Variants in ZBTB7C observed in about 807,000 individuals in gnomAD.
ZBTB7C encodes the protein zinc finger and BTB domain-containing protein 7C.
A neutral mutation model predicts 25.7 loss-of-function variants in ZBTB7C; 8 were observed. That is an observed-to-expected ratio of 0.31 (90% CI 0.18 to 0.56). ZBTB7C has a LOEUF of 0.56. Ranked by LOEUF, ZBTB7C falls within the 20% of genes least tolerant of loss-of-function variation. ZBTB7C has a pLI of 0.91. For missense variants in ZBTB7C, 824 were observed against 855.2 expected (o/e 0.96, Z 0.46); for synonymous variants, 394 against 369.0 (o/e 1.07, Z -0.78).
intron 3 of ZBTB7C, among the ~76,000 whole-genome samples, chr18:48,158,390 C>A (rs1568265160): frequency 6.6e-6 from 1 of 152,164 alleles, no homozygotes; most frequent in Non-Finnish European, 1.5e-5. Context: ...CACACAGGAG[C>A]TGGGTCTAGG....
At chr18:48,103,080 A>ATATATATCT (rs1255049515) in intron 3 of ZBTB7C, among the ~76,000 whole-genome samples, 1 of 133,792 alleles carries the variant, frequency 7.5e-6, no homozygotes, top group Non-Finnish European at 1.6e-5. Flanking sequence ...ATTTTATATT[A>ATATATATCT]TATATATCTT....
At chr18:48,334,597 T>G (rs944219929) in intron 2 of ZBTB7C, among the ~76,000 whole-genome samples, 2 of 152,150 alleles carry the variant, frequency 1.3e-5, no homozygotes, top group African/African-American at 4.8e-5. Flanking sequence ...TTTAACTCAT[T>G]CTTCAGATGG....
intron 3 of ZBTB7C, among the ~76,000 whole-genome samples, chr18:48,071,023 G>A (rs762294876): frequency 6.6e-6 from 1 of 152,234 alleles, no homozygotes; most frequent in Non-Finnish European, 1.5e-5. Flanking sequence ...TAAGGGGAGA[G>A]AGCATGTCAT....
At chr18:48,110,670 G>A (rs1399311594) in intron 3 of ZBTB7C, among the ~76,000 whole-genome samples, 1 of 152,138 alleles carries the variant, frequency 6.6e-6, no homozygotes, top group East Asian at 1.9e-4. Flanking sequence ...GGGCGATGGG[G>A]AGAATTGCTA....
intron 1 of ZBTB7C, among the ~76,000 whole-genome samples, chr18:48,389,218 C>CG (rs1568418108): frequency 5.3e-4 from 67 of 126,890 alleles, no homozygotes; most frequent in African/African-American, 1.6e-3. Flanking sequence ...CTCTCTCTCT[C>CG]TCTCTCTCTC....
chr18:48,272,757 T>C (rs1040989827), intron 2 of ZBTB7C, among the ~76,000 whole-genome samples: 2 of 152,114 alleles, frequency 1.3e-5, no homozygotes, highest in African/African-American at 4.8e-5. Flanking sequence ...CATCCAAATG[T>C]CCACCAAGAG....
At chr18:48,405,370 G>A (rs867000513) in intron 1 of ZBTB7C, among the ~76,000 whole-genome samples, 1 of 152,052 alleles carries the variant, frequency 6.6e-6, no homozygotes, top group African/African-American at 2.4e-5. Flanking sequence ...TGGAGTCAGA[G>A]GGAACCACAT....
intron 3 of ZBTB7C, among the ~76,000 whole-genome samples, chr18:48,126,590 GC>G (rs1160989200): frequency 7.2e-5 from 11 of 152,230 alleles, no homozygotes; most frequent in African/African-American, 2.7e-4. Flanking sequence ...GGGGACACCT[GC>G]TTGCAGTGGG....
At chr18:48,059,522 C>T (rs1462641909) in intron 3 of ZBTB7C, among the ~76,000 whole-genome samples, 2 of 152,118 alleles carry the variant, frequency 1.3e-5, no homozygotes, top group Non-Finnish European at 2.9e-5. Context: ...TCAAATGTCC[C>T]ATGGTGTGCC....
At chr18:48,054,292 C>G (rs1022051006) in intron 3 of ZBTB7C, among the ~76,000 whole-genome samples, 3 of 152,160 alleles carry the variant, frequency 2.0e-5, no homozygotes, top group Admixed American at 6.5e-5. Flanking sequence ...CGGCCGGAAC[C>G]AGTTAGGAGA....
chr18:48,163,899 G>C (rs924817756), intron 3 of ZBTB7C, among the ~76,000 whole-genome samples: 1 of 152,226 alleles, frequency 6.6e-6, no homozygotes, highest in African/African-American at 2.4e-5. Context: ...CATAAGCACT[G>C]TCTGGAGCTG....
intron 3 of ZBTB7C, among the ~76,000 whole-genome samples, chr18:48,050,758 C>T (rs986462242): frequency 1.3e-5 from 2 of 152,166 alleles, no homozygotes; most frequent in East Asian, 1.9e-4. Flanking sequence ...TCTGCCCCTA[C>T]ATCTAAGGTC....
chr18:48,299,536 A>G (rs1254791282), intron 2 of ZBTB7C, among the ~76,000 whole-genome samples: 8 of 152,240 alleles, frequency 5.3e-5, no homozygotes, highest in Admixed American at 5.2e-4. Flanking sequence ...TCATAACTCA[A>G]CCTGGTTCTT....
intron 1 of ZBTB7C, among the ~76,000 whole-genome samples, chr18:48,367,513 A>G (rs1044292201): frequency 3.3e-5 from 5 of 151,588 alleles, no homozygotes; most frequent in African/African-American, 1.2e-4. Flanking sequence ...TGAAGAAGCC[A>G]GCAACCTGGA....
rs373973400 is a variant in ZBTB7C at position 48,040,676 on chromosome 18, G to A, written c.432C>T (p.Asp144=). The A allele has an allele frequency of 3.3e-5, 53 of 1,612,920 alleles. No homozygotes were observed. Among genetic ancestry groups the A allele is most frequent in the Admixed American group, 8.3e-5 (5 of 59,918 alleles). ...CCTCCTCATCATCATCATCTTCGTCGTCGTCATCGTCCTCCTTGTCATCCT... is the reference window on the plus strand; with the variant it reads ...CCTCCTCATCATCATCATCTTCGTCATCGTCATCGTCCTCCTTGTCATCCT... ...GEEDDKEDDD[D]DEDDDDEEDE... is the part of the protein sequence containing the mutation. Residue 144 remains aspartate (D), a synonymous_variant, in exon 4 of 5, where the codon GAC becomes GAT. Transcript: ENST00000590800.
chr18:48,185,480 T>A (rs1367741379), intron 3 of ZBTB7C: 1 of 327,192 alleles, frequency 3.1e-6, no homozygotes, highest in Non-Finnish European at 6.0e-6. Flanking sequence ...CATTCTCAGA[T>A]TGATTAATGG....
chr18:48,238,914 T>C (rs1400735147), intron 2 of ZBTB7C, among the ~76,000 whole-genome samples: 2 of 152,110 alleles, frequency 1.3e-5, no homozygotes, highest in African/African-American at 4.8e-5. Context: ...TCAGCCCCAC[T>C]CACCGGCTGC....
chr18:48,374,959 TTCATTCC>T (rs61358025), intron 1 of ZBTB7C, among the ~76,000 whole-genome samples: 49,008 of 151,776 alleles, frequency 0.32, 8,337 homozygotes, highest in Non-Finnish European at 0.38. Context: ...ACCCAAGCTC[TTCATTCC>T]TCATTCCTCA....
At chr18:48,199,796 T>C (rs2042395171) in intron 2 of ZBTB7C, among the ~76,000 whole-genome samples, 1 of 152,166 alleles carries the variant, frequency 6.6e-6, no homozygotes, top group African/African-American at 2.4e-5. Flanking sequence ...GTCATTTCTC[T>C]ATGGAGGATT....
Sources: gnomAD v4.1 joint callset for allele counts (sites outside exome capture counted in the v4.1 genomes callset) on GRCh38, gnomAD v4.1.1 for gene constraint, MANE v1.5 for transcripts, NCBI Gene and HGNC (gene_info 2026-07-23, HGNC 2026-07-21) for gene names.